The following ZZZ3 variants were observed in gnomAD, a reference collection of about 807,000 sequenced individuals.
ZZZ3 encodes the protein ZZ-type zinc finger-containing protein 3.
A neutral mutation model predicts 95.2 loss-of-function variants in ZZZ3; 22 were observed. That is an observed-to-expected ratio of 0.23 (90% confidence interval 0.17 to 0.33). ZZZ3 has a LOEUF of 0.33. Ranked by LOEUF, ZZZ3 falls within the 10% of genes least tolerant of loss-of-function variation. ZZZ3 has a pLI of 1.00. For synonymous variants in ZZZ3, 335 were observed against 358.9 expected, an observed-to-expected ratio of 0.93 and a Z score of 0.75; for missense variants, 885 against 1,066.5, an observed-to-expected ratio of 0.83 and a Z score of 2.37.
chr1:77,584,228 G>A (rs1662835182), intron 6 of ZZZ3, among the ~76,000 whole-genome samples: 1 of 152,020 alleles, frequency 6.6e-6, no homozygotes, highest in South Asian at 2.1e-4. Flanking sequence ...AATACTCAAA[G>A]AAGGGGAAGA....
chr1:77,665,633 A>T (rs1278036989), intron 1 of ZZZ3, among the ~76,000 whole-genome samples: 1 of 152,248 alleles, frequency 6.6e-6, no homozygotes, highest in East Asian at 1.9e-4. Flanking sequence ...TAATAAGAAT[A>T]CTGGAATGTT....
chr1:77,596,574 G>A (rs964630518), intron 5 of ZZZ3, among the ~76,000 whole-genome samples: 4 of 152,008 alleles, frequency 2.6e-5, no homozygotes, highest in Admixed American at 6.6e-5. Context: ...ACTATATTAC[G>A]AATGTCTCAA....
chr1:77,638,938 T>C (rs1025651829), intron 4 of ZZZ3, among the ~76,000 whole-genome samples: 7 of 152,192 alleles, frequency 4.6e-5, no homozygotes, highest in African/African-American at 1.7e-4. Flanking sequence ...AACCCACCCA[T>C]GCAATTCAAC....
intron 6 of ZZZ3, among the ~76,000 whole-genome samples, chr1:77,582,903 C>CA (rs1438415982): frequency 1.3e-5 from 2 of 151,848 alleles, no homozygotes; most frequent in Non-Finnish European, 2.9e-5. Flanking sequence ...GTCAGGAGTT[C>CA]AGACCAACCT....
At chr1:77,621,008 C>T (rs764199490) in intron 5 of ZZZ3, among the ~76,000 whole-genome samples, 2 of 152,030 alleles carry the variant, frequency 1.3e-5, no homozygotes, top group Non-Finnish European at 2.9e-5. Flanking sequence ...TTTGTAGAAA[C>T]AAAAGCTTAG....
In ZZZ3 at chr1:77,581,874, G is replaced by A. The variant is rs1384690833; in HGVS notation, c.1810C>T (p.Pro604Ser). 1 of 1,613,758 alleles carries A rather than the reference G, an allele frequency of 6.2e-7. No homozygotes were observed. The highest frequency in any genetic ancestry group is 8.5e-7 in the Non-Finnish European group (1 of 1,179,824). The change falls in exon 8 of 15, where the codon CCA becomes TCA. Residue 604 changes from proline (P) to serine (S), a missense_variant. Physicochemically the swap from Pro to Ser is moderately conservative, Grantham distance 74. Coordinates refer to ENST00000370801, the MANE Select transcript of ZZZ3 (RefSeq NM_015534.6). ...TTCTTAGGATCTAAAGGACTTTTTGGTCTAGCAGGTAAACCTACTGAAAAA... is the reference window on the plus strand; with the variant it reads ...TTCTTAGGATCTAAAGGACTTTTTGATCTAGCAGGTAAACCTACTGAAAAA... ...VFDKVGLPARPKSPLDPKKDG... is the reference protein window; with the variant it reads ...VFDKVGLPARSKSPLDPKKDG...
Position 77,639,595 on chromosome 1 carries a change from A to G in ZZZ3, c.-198T>C. On this transcript the variant is annotated 5_prime_UTR_variant, in exon 4 of 15. Transcript: ENST00000370801. ...GCCATGAAGAATACTAGAACCTCCTAAATTTTTCTTTAAAATAAAATAATG... is the reference window on the plus strand; with the variant it reads ...GCCATGAAGAATACTAGAACCTCCTGAATTTTTCTTTAAAATAAAATAATG... The G allele has an allele frequency of 3.6e-6, 2 of 558,704 alleles. No homozygotes were observed. Among genetic ancestry groups the G allele is most frequent in the East Asian group, 3.5e-5 (1 of 28,978 alleles). The allele number at this position is 558,704 out of a possible 1,614,324, so 34.6% of individuals were successfully genotyped here.
intron 5 of ZZZ3, among the ~76,000 whole-genome samples, chr1:77,611,251 C>CA (rs1377286716): frequency 1.8e-5 from 2 of 113,758 alleles, no homozygotes; most frequent in South Asian, 5.6e-4. Flanking sequence ...AAAAAAAAAA[C>CA]AACCCACATG....
intron 3 of ZZZ3, among the ~76,000 whole-genome samples, chr1:77,640,600 CA>C (rs78243648): frequency 0.059 from 4,504 of 76,584 alleles, 70 homozygotes; most frequent in Middle Eastern, 0.1. Flanking sequence ...AACTCAGTCT[CA>C]AAAAAAAAAA....
At chr1:77,619,071 A>G (rs867262223) in intron 5 of ZZZ3, among the ~76,000 whole-genome samples, 7 of 152,206 alleles carry the variant, frequency 4.6e-5, no homozygotes, top group Admixed American at 3.9e-4. Context: ...CCTGACAACC[A>G]GTCAGATCAA....
chr1:77,609,003 A>G (rs546584978), intron 5 of ZZZ3, among the ~76,000 whole-genome samples: 10 of 152,310 alleles, frequency 6.6e-5, no homozygotes, highest in African/African-American at 2.2e-4. Context: ...GAAAATAAAT[A>G]ACAAAATGGC....
chr1:77,600,374 G>A (rs1664615935), intron 5 of ZZZ3, among the ~76,000 whole-genome samples: 2 of 152,080 alleles, frequency 1.3e-5, no homozygotes, highest in African/African-American at 2.4e-5. Flanking sequence ...GCTAAGGTAC[G>A]GTACTAAGCA....
chr1:77,651,203 G>A (rs1570611325), intron 1 of ZZZ3, among the ~76,000 whole-genome samples: 1 of 152,204 alleles, frequency 6.6e-6, no homozygotes, highest in South Asian at 2.1e-4. Flanking sequence ...GGGCAACAAA[G>A]AGAGACCCCA....
intron 11 of ZZZ3, 91 bp from the exon 12 acceptor site, chr1:77,576,311 C>G: frequency 1.9e-6 from 2 of 1,059,152 alleles, no homozygotes; most frequent in Non-Finnish European, 1.3e-6. Flanking sequence ...TCCAACAAGT[C>G]TATCAGAAGA....
intron 12 of ZZZ3, among the ~76,000 whole-genome samples, chr1:77,573,934 T>C (rs1407264672): frequency 6.6e-6 from 1 of 151,552 alleles, no homozygotes; most frequent in Non-Finnish European, 1.5e-5. Context: ...GAATAGTAAA[T>C]AATAAAAAAT....
chr1:77,610,492 A>G (rs1665684672), intron 5 of ZZZ3, among the ~76,000 whole-genome samples: 1 of 151,976 alleles, frequency 6.6e-6, no homozygotes, highest in South Asian at 2.1e-4. Context: ...TACTCAAACC[A>G]GACAAAGACA....
intron 1 of ZZZ3, among the ~76,000 whole-genome samples, chr1:77,646,359 T>C (rs1457861236): frequency 2.0e-5 from 3 of 152,116 alleles, no homozygotes; most frequent in Non-Finnish European, 4.4e-5. Context: ...TAGTTGAGAC[T>C]ACTGGTGCAT....
intron 5 of ZZZ3, among the ~76,000 whole-genome samples, chr1:77,616,781 C>T (rs1234290554): frequency 6.6e-6 from 1 of 152,074 alleles, no homozygotes; most frequent in African/African-American, 2.4e-5. Context: ...GCAGGAGAAT[C>T]GCTGGAACCC....
chr1:77,654,061 G>A lies in ZZZ3; in HGVS notation c.-402-12406C>T, dbSNP rs993876540. 9.9e-5 allele frequency among the ~76,000 whole-genome samples: 15 copies of A among 151,734 alleles called. No individual in the cohort carries two copies. In the South Asian group the frequency reaches 2.7e-3, roughly 27 times the overall value. ...AAATTAGCCAGGTGTGGTAGCAGGC[G>A]CCTGTAGTCCCAGCTACTTGGGAGG... On this transcript the variant is annotated intron_variant, in intron 1 of 14. Coordinates refer to ENST00000370801, the MANE Select transcript of ZZZ3 (RefSeq NM_015534.6).
Sources: gnomAD v4.1 joint callset for allele counts (sites outside exome capture counted in the v4.1 genomes callset) on GRCh38, gnomAD v4.1.1 for gene constraint, MANE v1.5 for transcripts, NCBI Gene and HGNC (gene_info 2026-07-23, HGNC 2026-07-21) for gene names.